The following SRP9 variants were observed in gnomAD, a reference collection of about 807,000 sequenced individuals.
The protein encoded by SRP9 is signal recognition particle 9 kDa protein.
In SRP9, 2 loss-of-function variants were observed where a neutral mutation model predicts 11.7. That is an observed-to-expected ratio of 0.17 (90% confidence interval 0.07 to 0.54). SRP9 has a LOEUF of 0.54. SRP9 is among the 20% of genes least tolerant of loss of function. The probability of loss-of-function intolerance (pLI) is 0.94; values close to 1 mark genes in which losing one functional copy is unlikely to be tolerated. For synonymous variants in SRP9, 27 were observed against 35.6 expected, an observed-to-expected ratio of 0.76 and a Z score of 0.86; for missense variants, 54 against 108.1, an observed-to-expected ratio of 0.50 and a Z score of 2.22.
intron 1 of SRP9, 86 bp from the exon 2 acceptor site, chr1:225,783,214 A>T (rs1490329025): frequency 3.0e-6 from 3 of 1,005,322 alleles, no homozygotes; most frequent in East Asian, 4.8e-5. Context: ...TTCTAAAAGG[A>T]TCCTTTTCAG....
At position 225,790,208 on chromosome 1, in the gene SRP9, A is replaced by C. The variant is rs1301633445; in HGVS notation, c.*849A>C. On this transcript the variant is annotated 3_prime_UTR_variant, in exon 3 of 3. Coordinates refer to ENST00000304786, the MANE Select transcript of SRP9 (RefSeq NM_003133.6). ...CCCTGCCCATTTTCTGTCTTTAATT[A>C]ACCAAGGTGTTAGGTGTGACTGTCA... is the stretch of plus-strand genomic sequence containing the variant. 5 of 152,368 alleles carry C rather than the reference A, an allele frequency of 3.3e-5. No homozygotes were observed. In the East Asian group the frequency reaches 7.7e-4, roughly 23 times the overall value. 9.4% of individuals were successfully genotyped at this position (152,368 alleles called of 1,614,324 possible).
chr1:225,783,861 A>T (rs989090201), intron 2 of SRP9, among the ~76,000 whole-genome samples: 6 of 152,114 alleles, frequency 3.9e-5, no homozygotes, highest in Non-Finnish European at 7.4e-5. Flanking sequence ...CTTATTATTC[A>T]TATGTTATTT....
At chr1:225,786,786 C>T (rs1559006319) in intron 2 of SRP9, 1 of 1,237,060 alleles carries the variant, frequency 8.1e-7, no homozygotes, top group Middle Eastern at 3.5e-4. Flanking sequence ...AACATGAGTG[C>T]TTACCCTTGG....
At chr1:225,781,395 CTT>C (rs11315558) in intron 1 of SRP9, among the ~76,000 whole-genome samples, 44 of 87,818 alleles carry the variant, frequency 5.0e-4, no homozygotes, top group African/African-American at 1.7e-3. Flanking sequence ...TTTTCTTTTT[CTT>C]TTTTTTTTTT....
At chr1:225,783,111 G>A (rs1195184770) in intron 1 of SRP9, among the ~76,000 whole-genome samples, 189 bp from the exon 2 acceptor site, 1 of 152,072 alleles carries the variant, frequency 6.6e-6, no homozygotes, top group Admixed American at 6.5e-5. Context: ...ATAAATGGTA[G>A]CAAAGGAATG....
intron 2 of SRP9, among the ~76,000 whole-genome samples, chr1:225,786,292 T>C (rs767024607): frequency 1.3e-5 from 2 of 152,242 alleles, no homozygotes; most frequent in Non-Finnish European, 1.5e-5. Flanking sequence ...TTTATCACAT[T>C]TGTCTTTTTA....
At position 225,789,280 on chromosome 1, in the gene SRP9, A is replaced by G. The variant is rs751702134; in HGVS notation, c.182A>G (p.Lys61Arg). 1 of 1,609,630 alleles carries G rather than the reference A, an allele frequency of 6.2e-7. No individual in the cohort carries two copies. Among genetic ancestry groups the G allele is most frequent in the Admixed American group, 1.7e-5 (1 of 59,078 alleles). The change falls in exon 3 of 3, where the codon AAG becomes AGG. Residue 61 changes from lysine to arginine, a missense_variant. By Grantham distance (26) the Lys-to-Arg change is conservative. Transcript: ENST00000304786. ...YKTDQAQDVK[K>R]IEKFHSQLMR... ...ACAGACCAAGCTCAAGATGTAAAGA[A>G]GATTGAGAAATTCCACAGTCAACTA...
At chr1:225,785,736 G>A (rs1239338133) in intron 2 of SRP9, among the ~76,000 whole-genome samples, 1 of 148,748 alleles carries the variant, frequency 6.7e-6, no homozygotes, top group Non-Finnish European at 1.5e-5. Context: ...AGACTGGAGT[G>A]CAATGGTTCA....
intron 2 of SRP9, among the ~76,000 whole-genome samples, chr1:225,788,437 G>A (rs912038785): frequency 2.3e-5 from 3 of 132,402 alleles, no homozygotes; most frequent in African/African-American, 8.3e-5. Flanking sequence ...TTTTTTTTGA[G>A]ACGGAATCTC....
At chr1:225,782,773 G>A (rs1261448510) in intron 1 of SRP9, among the ~76,000 whole-genome samples, 1 of 152,184 alleles carries the variant, frequency 6.6e-6, no homozygotes, top group African/African-American at 2.4e-5. Flanking sequence ...TTCTACCTTC[G>A]TGATAAAGAC....
At chr1:225,782,250 A>G (rs368621420) in intron 1 of SRP9, among the ~76,000 whole-genome samples, 2 of 151,360 alleles carry the variant, frequency 1.3e-5, no homozygotes, top group Non-Finnish European at 2.9e-5. Context: ...TGCAAGCTCC[A>G]CCTCCCTGGT....
intron 2 of SRP9, among the ~76,000 whole-genome samples, chr1:225,783,782 A>G (rs923708061): frequency 2.0e-5 from 3 of 152,176 alleles, no homozygotes; most frequent in African/African-American, 7.2e-5. Context: ...TTTTCTGCAT[A>G]TGGTACTCCA....
At chr1:225,786,793 T>G in intron 2 of SRP9, 1 of 1,252,964 alleles carries the variant, frequency 8.0e-7, no homozygotes, top group Non-Finnish European at 1.0e-6. Context: ...GTGCTTACCC[T>G]TGGTAGATTG....
At chr1:225,783,429 G>T in intron 2 of SRP9, 61 bp downstream of exon 2, 1 of 1,363,844 alleles carries the variant, frequency 7.3e-7, no homozygotes, top group South Asian at 1.2e-5. Context: ...TTATTTGTTT[G>T]AAATTATTTA....
At chr1:225,788,981 T>A in intron 2 of SRP9, 1 of 1,545,316 alleles carries the variant, frequency 6.5e-7, no homozygotes, top group East Asian at 2.4e-5. Context: ...GGATTTAACA[T>A]TTAACATTTT....
chr1:225,788,270 C>G (rs1264755475), intron 2 of SRP9, among the ~76,000 whole-genome samples: 1 of 152,078 alleles, frequency 6.6e-6, no homozygotes, highest in Non-Finnish European at 1.5e-5. Flanking sequence ...TTGTGTGTGC[C>G]TGTAGTCCCA....
At chr1:225,784,056 T>C (rs568111677) in intron 2 of SRP9, among the ~76,000 whole-genome samples, 1 of 152,086 alleles carries the variant, frequency 6.6e-6, no homozygotes, top group East Asian at 1.9e-4. Context: ...TGTCCTTGAT[T>C]GTCTTTTCAT....
chr1:225,778,588 C>T (rs1263793721), intron 1 of SRP9, among the ~76,000 whole-genome samples: 2 of 152,152 alleles, frequency 1.3e-5, no homozygotes, highest in African/African-American at 4.8e-5. Context: ...TGTTTGCAAA[C>T]AATTTTAAGG....
rs751830419 is a variant in SRP9 at position 225,786,877 on chromosome 1, C to G, written c.142-2363C>G. The G allele has an allele frequency of 3.4e-6, 4 of 1,191,964 alleles. No homozygotes were observed. In the South Asian group the frequency reaches 5.2e-5, roughly 15 times the overall value. 73.8% of individuals were successfully genotyped at this position (1,191,964 alleles called of 1,614,324 possible). A position where few individuals can be genotyped will look rare whatever the true frequency, so the allele number is the denominator to read the frequency against. On this transcript the variant is annotated intron_variant, in intron 2 of 2. Coordinates refer to ENST00000304786, the MANE Select transcript of SRP9 (RefSeq NM_003133.6). The stretch of plus-strand genomic sequence containing the variant: ...TTTTTTTTAGAGACAGTGTCTTGCT[C>G]TATTGCTCAGGCTGCAGTGCAGTGG...
Sources: gnomAD v4.1 joint callset for allele counts (sites outside exome capture counted in the v4.1 genomes callset) on GRCh38, gnomAD v4.1.1 for gene constraint, MANE v1.5 for transcripts, NCBI Gene and HGNC (gene_info 2026-07-23, HGNC 2026-07-21) for gene names.